Variants in TTC23L observed in about 807,000 individuals in gnomAD.
TTC23L encodes tetratricopeptide repeat protein 23-like.
A neutral mutation model predicts 48.1 loss-of-function variants in TTC23L; 42 were observed. That is an observed-to-expected ratio of 0.87 (90% CI 0.68 to 1.13). The LOEUF is 1.13. Ranked by LOEUF, TTC23L falls within the 50% of genes most tolerant of loss-of-function variation. The probability of loss-of-function intolerance (pLI) is 0.00; values close to 1 mark genes in which losing one functional copy is unlikely to be tolerated. For missense variants in TTC23L, 391 were observed against 421.0 expected, an observed-to-expected ratio of 0.93 and a Z score of 0.62; for synonymous variants, 159 against 157.2, an observed-to-expected ratio of 1.01 and a Z score of -0.09.
chr5:34,894,642 T>C (rs777121310), intron 9 of TTC23L, among the ~76,000 whole-genome samples: 2 of 152,156 alleles, frequency 1.3e-5, no homozygotes, highest in Non-Finnish European at 2.9e-5. Flanking sequence ...GAGAGTGCCA[T>C]GTAGTGGTAA....
chr5:34,887,684 C>G (rs2111754929), intron 9 of TTC23L, among the ~76,000 whole-genome samples: 1 of 152,188 alleles, frequency 6.6e-6, no homozygotes, highest in South Asian at 2.1e-4. Context: ...TTAAAAAGCT[C>G]TCTTAGAACG....
chr5:34,899,518 G>A (rs986646917), downstream of TTC23L: 1 of 152,524 alleles, frequency 6.6e-6, no homozygotes, highest in Middle Eastern at 3.2e-3. Flanking sequence ...CTAAAACAAC[G>A]GTTTTTTATT....
At chr5:34,868,965 G>T in exon 8 of TTC23L, 1 of 1,611,424 alleles carries the variant, frequency 6.2e-7, no homozygotes, top group Non-Finnish European at 8.5e-7. Context: ...AGAAATGAGT[G>T]CGTTACTGGC....
intron 9 of TTC23L, among the ~76,000 whole-genome samples, chr5:34,881,080 A>G (rs1157968845): frequency 6.6e-6 from 1 of 152,230 alleles, no homozygotes; most frequent in Non-Finnish European, 1.5e-5. Context: ...AACTAGGAAT[A>G]ATACACAGGG....
the TTC23L span, chr5:34,921,310 G>A: frequency 2.0e-5 from 3 of 152,092 alleles, no homozygotes; most frequent in Non-Finnish European, 2.9e-5. Context: ...TTTGAAATAG[G>A]TTTGATATAC....
intron 9 of TTC23L, chr5:34,883,148 C>T (rs1478998042): frequency 6.5e-6 from 1 of 152,812 alleles, no homozygotes; most frequent in African/African-American, 2.4e-5. Context: ...TGGTCACATA[C>T]ATGCAAATCT....
In TTC23L at chr5:34,891,991, G is replaced by A. The variant is rs114020047; in HGVS notation, c.1078-4779G>A. 4.2e-3 allele frequency among the ~76,000 whole-genome samples: 642 copies of A among 152,284 alleles called. 7 individuals carry two copies. The highest frequency in any genetic ancestry group is 5.2e-3 in the Non-Finnish European group (352 of 68,016). On this transcript the variant is annotated intron_variant, in intron 9 of 10. Coordinates refer to ENST00000505624, the Ensembl canonical transcript of TTC23L. The stretch of plus-strand genomic sequence containing the variant: ...AAGGGGAAAAGAAGAGTCTTTTAAG[G>A]ACTTTGCTGTGGCAGAAGGTTTTTC...
At chr5:34,891,653 GAAC>G (rs1762873914) in intron 9 of TTC23L, among the ~76,000 whole-genome samples, 1 of 152,074 alleles carries the variant, frequency 6.6e-6, no homozygotes, top group African/African-American at 2.4e-5. Context: ...GAAACTAAAA[GAAC>G]AAAATGTATA....
chr5:34,852,133 C>G (rs1002051887), intron 4 of TTC23L, among the ~76,000 whole-genome samples: 1 of 152,230 alleles, frequency 6.6e-6, no homozygotes, highest in Non-Finnish European at 1.5e-5. Context: ...GATCCTCCCA[C>G]CTCAGCCTCC....
At chr5:34,843,705 C>T (rs1031404963) in intron 2 of TTC23L, among the ~76,000 whole-genome samples, 2 of 152,168 alleles carry the variant, frequency 1.3e-5, no homozygotes, top group African/African-American at 2.4e-5. Context: ...AGGGCTAGCT[C>T]ATAGGCAGCA....
At chr5:34,912,575 T>C in the TTC23L span, among the ~76,000 whole-genome samples, 1 of 152,244 alleles carries the variant, frequency 6.6e-6, no homozygotes, top group East Asian at 1.9e-4. Flanking sequence ...TTTTCCTAGC[T>C]AATCTCCAGG....
At chr5:34,905,194 A>G in the TTC23L span, 1 of 152,214 alleles carries the variant, frequency 6.6e-6, no homozygotes, top group East Asian at 1.9e-4. Flanking sequence ...AGCACTGCCT[A>G]TTCCAAAGAG....
the TTC23L span, chr5:34,908,520 A>C: frequency 6.1e-6 from 2 of 327,032 alleles, no homozygotes; most frequent in African/African-American, 4.2e-5. Context: ...CCATGAGTTC[A>C]AAAGACAGAA....
intron 6 of TTC23L, among the ~76,000 whole-genome samples, chr5:34,865,675 C>T (rs1488482865): frequency 6.6e-6 from 1 of 152,126 alleles, no homozygotes; most frequent in Non-Finnish European, 1.5e-5. Context: ...TTTACTTAGT[C>T]CACATGACAG....
At chr5:34,846,553 C>A (rs1759155380) in intron 3 of TTC23L, among the ~76,000 whole-genome samples, 1 of 45,436 alleles carries the variant, frequency 2.2e-5, no homozygotes, top group African/African-American at 7.3e-5. Flanking sequence ...AACAGCTAGA[C>A]TCTGTCTCAA....
the TTC23L span, chr5:34,924,783 A>G: frequency 2.7e-6 from 3 of 1,095,092 alleles, no homozygotes; most frequent in Non-Finnish European, 4.2e-6. Context: ...ATGAGGTTAT[A>G]GCCAGTATAC....
At chr5:34,888,625 T>G (rs1762675392) in intron 9 of TTC23L, 2 of 610,260 alleles carry the variant, frequency 3.3e-6, no homozygotes, top group African/African-American at 2.0e-5. Flanking sequence ...GTAGGGGTGA[T>G]TCACTTCTAT....
intron 1 of TTC23L, chr5:34,839,644 C>G (rs1456425015): frequency 1.0e-6 from 1 of 985,052 alleles, no homozygotes; most frequent in Non-Finnish European, 1.2e-6. Context: ...AATGGATGCT[C>G]TGGAGCCTGG....
exon 6 of TTC23L, chr5:34,864,464 G>A (rs2150400573): frequency 6.2e-7 from 1 of 1,613,798 alleles, no homozygotes; most frequent in Non-Finnish European, 8.5e-7. Flanking sequence ...TCAACCTGCA[G>A]AAGGCAGAGA....
Sources: allele counts gnomAD v4.1 joint callset (sites outside exome capture counted in the v4.1 genomes callset), GRCh38; gene constraint gnomAD v4.1.1; transcripts MANE v1.5; gene names NCBI Gene and HGNC (gene_info 2026-07-23, HGNC 2026-07-21).